The following TPMT variants were observed in gnomAD, a reference collection of about 807,000 sequenced individuals.
TPMT encodes thiopurine S-methyltransferase.
A neutral mutation model predicts 34.2 loss-of-function variants in TPMT; 18 were observed. That is an observed-to-expected ratio of 0.53 (90% confidence interval 0.36 to 0.78). TPMT has a LOEUF of 0.78. Among genes scored for constraint, TPMT ranks in the 30% least tolerant of loss-of-function variants. The probability of loss-of-function intolerance (pLI) is 0.00; values close to 1 mark genes in which losing one functional copy is unlikely to be tolerated. For missense variants in TPMT, 265 were observed against 288.1 expected (o/e 0.92, Z 0.58); for synonymous variants, 69 against 92.4 (o/e 0.75, Z 1.45).
chr6:18,131,816 T>A lies in TPMT; in HGVS notation c.625+317A>T, dbSNP rs9465101. ...TTTTTTAGATGGAGTCTCACTCTGTTACCCACGCTGGAGTGCAGTGGCACA... is the reference window on the plus strand; with the variant it reads ...TTTTTTAGATGGAGTCTCACTCTGTAACCCACGCTGGAGTGCAGTGGCACA... On this transcript the variant is annotated intron_variant, in intron 8 of 8. Transcript: ENST00000309983. The surrounding 1 kb of genome is among the most constrained non-coding windows in gnomAD (Gnocchi z 4.3). Among the ~76,000 whole-genome samples the A allele has an allele frequency of 0.12, 17,653 of 152,086 alleles. 2,762 individuals carry two copies. Among genetic ancestry groups the A allele is most frequent in the African/African-American group, 0.36 (14,872 of 41,446 alleles).
rs995238467 is a variant in TPMT, at chr6:18,148,651, T to C, written c.140+337A>G. On this transcript the variant is annotated intron_variant, in intron 2 of 8. Transcript: ENST00000309983. The surrounding 1 kb of genome is among the most constrained non-coding windows in gnomAD (Gnocchi z 4.1). ...AGTCAGACACCACTGATTTTCAGTA[T>C]GAAGAATTGTAAGCATAAACATTGC... is the stretch of plus-strand genomic sequence containing the variant. 6.6e-6 allele frequency among the ~76,000 whole-genome samples: 1 copy of C among 152,244 alleles called. No homozygotes were observed. The highest frequency in any genetic ancestry group is 1.5e-5 in the Non-Finnish European group (1 of 68,044).
Position 18,143,093 on chromosome 6 carries a change from T to C in TPMT, c.366+503A>G. Among the ~76,000 whole-genome samples, 1 of 152,304 alleles carries C rather than the reference T, an allele frequency of 6.6e-6. No individual in the cohort carries two copies. The highest frequency in any genetic ancestry group is 2.4e-5 in the African/African-American group (1 of 41,556). On this transcript the variant is annotated intron_variant, in intron 4 of 8. Coordinates refer to ENST00000309983, the MANE Select transcript of TPMT (RefSeq NM_000367.5). This position sits in a 1 kb window ranked among gnomAD's most constrained non-coding sequence, Gnocchi z 6.1. ...CCCAGGCCCTGCCTGATTCCAGCTCTATCTGTCACCATGCTTCAGGAAGCA... is the reference window on the plus strand; with the variant it reads ...CCCAGGCCCTGCCTGATTCCAGCTCCATCTGTCACCATGCTTCAGGAAGCA...
In TPMT at chr6:18,140,820, G is replaced by A. The variant is rs1242393861; in HGVS notation, c.367-1103C>T. On this transcript the variant is annotated intron_variant, in intron 4 of 8. Coordinates refer to ENST00000309983, the MANE Select transcript of TPMT (RefSeq NM_000367.5). The surrounding 1 kb of genome is among the most constrained non-coding windows in gnomAD (Gnocchi z 4.7). ...GACTGGGGGCACACTCCAAGAGGGG[G>A]CAATATAACATAGACTTTAGGATCC... Among the ~76,000 whole-genome samples the A allele has an allele frequency of 6.6e-6, 1 of 152,106 alleles. No homozygotes were observed. The highest frequency in any genetic ancestry group is 2.1e-4 in the South Asian group (1 of 4,832).
intron 1 of TPMT, among the ~76,000 whole-genome samples, chr6:18,152,120 T>G (rs1784364989): frequency 1.3e-5 from 2 of 152,174 alleles, no homozygotes; most frequent in African/African-American, 2.4e-5. Flanking sequence ...GCAATCCTCC[T>G]TGTTTCAACC....
At position 18,136,758 on chromosome 6, in the gene TPMT, C is replaced by T. The variant is rs995994902; in HGVS notation, c.494+2205G>A. ...CTGGCAGGCAGAGGTTGCGGTGAGC[C>T]GAGATAGTGCCATTGCACTCCAGCC... On this transcript the variant is annotated intron_variant, in intron 6 of 8. Coordinates refer to ENST00000309983, the MANE Select transcript of TPMT (RefSeq NM_000367.5). The surrounding 1 kb of genome is among the most constrained non-coding windows in gnomAD (Gnocchi z 4.7). Among the ~76,000 whole-genome samples the T allele has an allele frequency of 6.6e-6, 1 of 152,090 alleles. No individual in the cohort carries two copies. Among genetic ancestry groups the T allele is most frequent in the Non-Finnish European group, 1.5e-5 (1 of 68,030 alleles).
Position 18,133,824 on chromosome 6 carries a change from TAAGA to T in TPMT, c.556_559del (p.Ser186MetfsTer61), listed in dbSNP as rs1783991643. ...TTTACCTGGATGTTTAGTTGGATCATAAGAAAGAACACACAGGAGATACTGAAAC... is the reference window on the plus strand; with the variant it reads ...TTTACCTGGATGTTTAGTTGGATCATAAGAACACACAGGAGATACTGAAAC... On this transcript the variant is annotated frameshift_variant, in exon 7 of 9. Transcript: ENST00000309983. LOFTEE classifies it high-confidence loss of function. 1 of 1,607,598 alleles carries T rather than the reference TAAGA, an allele frequency of 6.2e-7. No individual in the cohort carries two copies. Among genetic ancestry groups the T allele is most frequent in the Non-Finnish European group, 8.5e-7 (1 of 1,178,158 alleles).
chr6:18,137,093 A>G (rs1019164451), intron 6 of TPMT, among the ~76,000 whole-genome samples: 2 of 151,870 alleles, frequency 1.3e-5, no homozygotes, highest in Non-Finnish European at 2.9e-5. Flanking sequence ...TTTAAAAATA[A>G]AAATCTTATT....
chr6:18,130,623 T>C lies in TPMT; in HGVS notation c.*45A>G. On this transcript the variant is annotated 3_prime_UTR_variant, in exon 9 of 9. Coordinates refer to ENST00000309983, the MANE Select transcript of TPMT (RefSeq NM_000367.5). The surrounding 1 kb of genome is among the most constrained non-coding windows in gnomAD (Gnocchi z 4.2). ...TTCAGGCTTTAGCATAATTTTCAAT[T>C]CCTCAAAAACATGTCAGTGTGATTT... The C allele has an allele frequency of 2.3e-6, 3 of 1,288,856 alleles. No individual in the cohort carries two copies. Among genetic ancestry groups the C allele is most frequent in the Non-Finnish European group, 3.4e-6 (3 of 887,774 alleles). 79.8% of individuals were successfully genotyped at this position (1,288,856 alleles called of 1,614,324 possible). A position where few individuals can be genotyped will look rare whatever the true frequency, so the allele number is the denominator to read the frequency against.
intron 1 of TPMT, among the ~76,000 whole-genome samples, chr6:18,151,573 GATTTATTT>G (rs70974705): frequency 0.072 from 10,371 of 143,206 alleles, 778 homozygotes; most frequent in African/African-American, 0.19. Flanking sequence ...TGGAAACCTA[GATTTATTT>G]ATTTATTTAT....
chr6:18,146,182 TAA>T lies in TPMT; in HGVS notation c.233+1639_233+1640del, dbSNP rs1491427371. Among the ~76,000 whole-genome samples, 1 of 151,794 alleles carries T rather than the reference TAA, an allele frequency of 6.6e-6. No homozygotes were observed. Among genetic ancestry groups the T allele is most frequent in the African/African-American group, 2.4e-5 (1 of 41,268 alleles). On this transcript the variant is annotated intron_variant, in intron 3 of 8. Coordinates refer to ENST00000309983, the MANE Select transcript of TPMT (RefSeq NM_000367.5). The surrounding 1 kb of genome is among the most constrained non-coding windows in gnomAD (Gnocchi z 6.2). Reference sequence around the variant, plus strand: ...AGCTCAGTTCATATATATATATACATAAAAATAACTGTATTTACGTATATATA... The same window carrying T: ...AGCTCAGTTCATATATATATATACATAAATAACTGTATTTACGTATATATA...
At chr6:18,133,137 A>G (rs1191957913) in intron 7 of TPMT, among the ~76,000 whole-genome samples, 1 of 152,152 alleles carries the variant, frequency 6.6e-6, no homozygotes, top group Non-Finnish European at 1.5e-5. Flanking sequence ...ACATATGTAA[A>G]TATTTACAAA....
In TPMT at chr6:18,130,837, T is replaced by G; in HGVS notation, c.626-57A>C. On this transcript the variant is annotated intron_variant, in intron 8 of 8. Coordinates refer to ENST00000309983, the MANE Select transcript of TPMT (RefSeq NM_000367.5). This position sits in a 1 kb window ranked among gnomAD's most constrained non-coding sequence, Gnocchi z 4.2. ...CTATGAAGAATGACATCAGGGATTCTTTTAAAAATACTCAAAATTGGCTGG... is the reference window on the plus strand; with the variant it reads ...CTATGAAGAATGACATCAGGGATTCGTTTAAAAATACTCAAAATTGGCTGG... 1 of 1,467,034 alleles carries G rather than the reference T, an allele frequency of 6.8e-7. No individual in the cohort carries two copies. The highest frequency in any genetic ancestry group is 9.5e-7 in the Non-Finnish European group (1 of 1,049,080). 90.9% of individuals were successfully genotyped at this position (1,467,034 alleles called of 1,614,324 possible).
rs1783958248 is a variant in TPMT at position 18,132,182 on chromosome 6, G to A, written c.581-5C>T. 1 of 1,613,954 alleles carries A rather than the reference G, an allele frequency of 6.2e-7. No homozygotes were observed. Among genetic ancestry groups the A allele is most frequent in the Middle Eastern group, 1.6e-4 (1 of 6,062 alleles). On this transcript the variant is annotated splice_region_variant and splice_polypyrimidine_tract_variant and intron_variant, in intron 7 of 8. Transcript: ENST00000309983. This position sits in a 1 kb window ranked among gnomAD's most constrained non-coding sequence, Gnocchi z 4.8. Reference sequence around the variant, plus strand: ...GTGGAACATAAAATGGTGGACCTAGGTAAAAGAGAAATAAATTCTGAGTTT... The same window carrying A: ...GTGGAACATAAAATGGTGGACCTAGATAAAAGAGAAATAAATTCTGAGTTT...
rs138610453 is a variant in TPMT at position 18,145,968 on chromosome 6, G to A, written c.233+1855C>T. Among the ~76,000 whole-genome samples the A allele has an allele frequency of 5.2e-3, 789 of 152,208 alleles. 6 individuals are homozygous for A. The highest frequency in any genetic ancestry group is 0.018 in the African/African-American group (743 of 41,534). On this transcript the variant is annotated intron_variant, in intron 3 of 8. Coordinates refer to ENST00000309983, the MANE Select transcript of TPMT (RefSeq NM_000367.5). The surrounding 1 kb of genome is among the most constrained non-coding windows in gnomAD (Gnocchi z 5.6). ...CCACCCTGGGTGACAGAGTGGGACT[G>A]TCTCAAAAAACCAAAAACCTAAACC...
chr6:18,142,194 TTC>T (rs1784155611), intron 4 of TPMT, among the ~76,000 whole-genome samples: 1 of 151,910 alleles, frequency 6.6e-6, no homozygotes, highest in Non-Finnish European at 1.5e-5. Flanking sequence ...CTGTTTTATT[TTC>T]TCTTTCTCTT....
Position 18,154,310 on chromosome 6 carries a change from C to G in TPMT, c.-45+723G>C, listed in dbSNP as rs1294508404. ...AATTTCTGCCCACAAACAAAGTCCT[C>G]AAGTTGTTCTAGTCTCCATTCTCAC... On this transcript the variant is annotated intron_variant, in intron 1 of 8. Coordinates refer to ENST00000309983, the MANE Select transcript of TPMT (RefSeq NM_000367.5). The surrounding 1 kb of genome is among the most constrained non-coding windows in gnomAD (Gnocchi z 4.2). Among the ~76,000 whole-genome samples the G allele has an allele frequency of 2.6e-5, 4 of 152,172 alleles. No homozygotes were observed. The highest frequency in any genetic ancestry group is 9.6e-5 in the African/African-American group (4 of 41,456).
Position 18,146,988 on chromosome 6 carries a change from C to G in TPMT, c.233+835G>C, listed in dbSNP as rs1174178521. On this transcript the variant is annotated intron_variant, in intron 3 of 8. Transcript: ENST00000309983. This position sits in a 1 kb window ranked among gnomAD's most constrained non-coding sequence, Gnocchi z 6.2. ...TTAAATTTATTTTTTGAGGCAGGGTCTATGTTGTCCAGACTGGTCTCAAAT... is the reference window on the plus strand; with the variant it reads ...TTAAATTTATTTTTTGAGGCAGGGTGTATGTTGTCCAGACTGGTCTCAAAT... Among the ~76,000 whole-genome samples the G allele has an allele frequency of 1.3e-5, 2 of 152,108 alleles. No individual in the cohort carries two copies. Among genetic ancestry groups the G allele is most frequent in the African/African-American group, 4.8e-5 (2 of 41,424 alleles).
At position 18,147,100 on chromosome 6, in the gene TPMT, C is replaced by T. The variant is rs1017652042; in HGVS notation, c.233+723G>A. Among the ~76,000 whole-genome samples the T allele has an allele frequency of 2.0e-5, 3 of 151,388 alleles. No individual in the cohort carries two copies. In the South Asian group the frequency reaches 6.2e-4, roughly 31 times the overall value. ...CCACCACACCTGGCGCATTTACTAA[C>T]CTTTTCATACATTCTTTTTTCTTTC... On this transcript the variant is annotated intron_variant, in intron 3 of 8. Transcript: ENST00000309983.
Position 18,143,145 on chromosome 6 carries a change from T to C in TPMT, c.366+451A>G, listed in dbSNP as rs1229409089. 6.6e-6 allele frequency among the ~76,000 whole-genome samples: 1 copy of C among 152,156 alleles called. No homozygotes were observed. The highest frequency in any genetic ancestry group is 1.9e-4 in the East Asian group (1 of 5,184). ...CGCCAGGTTGGGCAGGTAACTCCCA[T>C]CTCTTCCCTTAATACCCTGTGTCTT... On this transcript the variant is annotated intron_variant, in intron 4 of 8. Coordinates refer to ENST00000309983, the MANE Select transcript of TPMT (RefSeq NM_000367.5). The surrounding 1 kb of genome is among the most constrained non-coding windows in gnomAD (Gnocchi z 6.1).
Sources: allele counts gnomAD v4.1 joint callset (sites outside exome capture counted in the v4.1 genomes callset), GRCh38; gene constraint gnomAD v4.1.1; non-coding constraint Gnocchi (gnomAD v3.1); transcripts MANE v1.5; gene names NCBI Gene and HGNC (gene_info 2026-07-23, HGNC 2026-07-21).